C12orf56: variants seen among roughly 807,000 people sequenced by gnomAD.
C12orf56 encodes chromosome 12 open reading frame 56, also known as uncharacterized protein C12orf56.
Under a neutral mutation model 69.9 loss-of-function variants are expected in C12orf56, and 71 were observed. The ratio of observed to expected loss-of-function variants is 1.02; its 90% CI spans 0.84 to 1.24. The LOEUF is 1.24. C12orf56 is among the 50% of genes most tolerant of loss of function. The probability of loss-of-function intolerance (pLI) is 0.00; values close to 1 mark genes in which losing one functional copy is unlikely to be tolerated. For missense variants in C12orf56, 732 were observed against 738.5 expected, an observed-to-expected ratio of 0.99 and a Z score of 0.10; for synonymous variants, 276 against 274.1, an observed-to-expected ratio of 1.01 and a Z score of -0.07.
chr12:64,347,626 G>C (rs1460176401), intron 2 of C12orf56, among the ~76,000 whole-genome samples: 1 of 152,074 alleles, frequency 6.6e-6, no homozygotes, highest in Non-Finnish European at 1.5e-5. Flanking sequence ...CCCCAGGATG[G>C]ATCTTCTTCT....
intron 2 of C12orf56, among the ~76,000 whole-genome samples, chr12:64,339,116 G>A (rs575288083): frequency 1.3e-5 from 2 of 152,170 alleles, no homozygotes; most frequent in African/African-American, 4.8e-5. Flanking sequence ...TAAGCACTCA[G>A]GCCTGTCGGC....
rs563730029 is a variant in C12orf56 at position 64,363,220 on chromosome 12, C to G, written c.253-10164G>C. 2.0e-5 allele frequency among the ~76,000 whole-genome samples: 3 copies of G among 152,238 alleles called. No individual in the cohort carries two copies. The East Asian group carries it at 5.8e-4, about 29-fold the overall frequency. ...TCAAGTGGTTTGGAACCAAGTGATG[C>G]ACCAGCTACTATTCTTGAAATAAAA... On this transcript the variant is annotated intron_variant, in intron 1 of 12. Coordinates refer to ENST00000543942, the MANE Select transcript of C12orf56 (RefSeq NM_001170633.2).
chr12:64,283,377 A>T (rs189253381), intron 8 of C12orf56, among the ~76,000 whole-genome samples: 3 of 152,254 alleles, frequency 2.0e-5, no homozygotes, highest in African/African-American at 7.2e-5. Flanking sequence ...AATCAAGCAG[A>T]CAGTATGCAA....
intron 2 of C12orf56, among the ~76,000 whole-genome samples, chr12:64,332,130 C>T (rs1290529715): frequency 6.6e-6 from 1 of 151,658 alleles, no homozygotes; most frequent in Non-Finnish European, 1.5e-5. Flanking sequence ...CATGGTGAAA[C>T]CCAGTTTCTA....
At position 64,390,747 on chromosome 12, in the gene C12orf56, C is replaced by T. The variant is rs2135996606; in HGVS notation, c.-182G>A. The T allele has an allele frequency of 6.5e-6, 5 of 774,716 alleles. No homozygotes were observed. Among genetic ancestry groups the T allele is most frequent in the Non-Finnish European group, 9.3e-6 (5 of 535,174 alleles). The allele number at this position is 774,716 out of a possible 1,614,324, so 48.0% of individuals were successfully genotyped here. On this transcript the variant is annotated 5_prime_UTR_variant, in exon 1 of 13. Coordinates refer to ENST00000543942, the MANE Select transcript of C12orf56 (RefSeq NM_001170633.2). ...GCTAGGTCGGCTTCCCTGGAGCGCC[C>T]TCCCCAGCCCTGTCCAGCCTCTCGA...
At chr12:64,387,520 AC>A (rs1230659093) in intron 1 of C12orf56, among the ~76,000 whole-genome samples, 3 of 152,224 alleles carry the variant, frequency 2.0e-5, no homozygotes, top group South Asian at 2.1e-4. Flanking sequence ...GTAAAAAAAA[AC>A]AAAACAAAAA....
chr12:64,358,871 C>T (rs1343573579), intron 1 of C12orf56, among the ~76,000 whole-genome samples: 1 of 152,106 alleles, frequency 6.6e-6, no homozygotes, highest in East Asian at 1.9e-4. Context: ...CTAACAGAAA[C>T]ATTTAATTCA....
At chr12:64,320,096 G>A (rs1305627253) in intron 3 of C12orf56, among the ~76,000 whole-genome samples, 1 of 152,222 alleles carries the variant, frequency 6.6e-6, no homozygotes, top group Non-Finnish European at 1.5e-5. Context: ...GCTTGCCATT[G>A]TTCCTGCACA....
chr12:64,298,992 A>G (rs963433637), intron 6 of C12orf56, among the ~76,000 whole-genome samples: 8 of 152,078 alleles, frequency 5.3e-5, no homozygotes, highest in African/African-American at 1.9e-4. Flanking sequence ...CATTTTCACG[A>G]TATTGATTCT....
Position 64,352,917 on chromosome 12 carries a change from T to C in C12orf56, c.392A>G (p.His131Arg). ...ACCTTTCTTGTTGTTAGCTTTAGTA[T>C]GATGAAATGGAAATAGGAATTTCCT... ...SVRKFLFPFH[H>R]TKANNKKVKE... Residue 131 changes from histidine (H) to arginine (R), a missense_variant, in exon 2 of 13, where the codon CAT (histidine) becomes CGT (arginine). Transcript: ENST00000543942. The C allele has an allele frequency of 1.2e-6, 2 of 1,611,938 alleles. No individual in the cohort carries two copies. Among genetic ancestry groups the C allele is most frequent in the Middle Eastern group, 1.7e-4 (1 of 5,878 alleles).
chr12:64,314,718 T>A (rs1323193820), intron 4 of C12orf56, among the ~76,000 whole-genome samples: 1 of 151,602 alleles, frequency 6.6e-6, no homozygotes, highest in East Asian at 2.0e-4. Flanking sequence ...CACGGCAACA[T>A]CCGCCTCCCA....
chr12:64,309,310 C>G (rs1005311206), intron 5 of C12orf56, among the ~76,000 whole-genome samples: 1 of 152,150 alleles, frequency 6.6e-6, no homozygotes, highest in Admixed American at 6.6e-5. Flanking sequence ...TCCCCAACCC[C>G]GGAGACCTCT....
At chr12:64,269,117 G>A (rs1342404547) in intron 12 of C12orf56, among the ~76,000 whole-genome samples, 1 of 140,476 alleles carries the variant, frequency 7.1e-6, no homozygotes, top group African/African-American at 2.7e-5. Flanking sequence ...TCCAGCCTAG[G>A]TGGCAGAGTG....
intron 6 of C12orf56, among the ~76,000 whole-genome samples, chr12:64,293,625 T>C (rs555480538): frequency 3.5e-4 from 53 of 152,370 alleles, no homozygotes; most frequent in African/African-American, 1.3e-3. Context: ...AACAAGTGTC[T>C]AATAAGTATC....
Position 64,384,261 on chromosome 12 carries a change from TTC to T in C12orf56, c.252+6051_252+6052del, listed in dbSNP as rs58926051. On this transcript the variant is annotated intron_variant, in intron 1 of 12. Transcript: ENST00000543942. ...TACGCTATTCCACCTCCTTAATCTA[TTC>T]TGTTTACCTCCCCTTCCTCTTTCCA... Among the ~76,000 whole-genome samples the T allele has an allele frequency of 1.0e-3, 159 of 152,284 alleles. 1 individual carries two copies. Among genetic ancestry groups the T allele is most frequent in the African/African-American group, 3.7e-3 (155 of 41,572 alleles).
chr12:64,379,339 G>C (rs1483883317), intron 1 of C12orf56, among the ~76,000 whole-genome samples: 4 of 150,476 alleles, frequency 2.7e-5, no homozygotes, highest in African/African-American at 2.4e-5. Context: ...AGGCTGGAGT[G>C]CAGTGGCGCA....
intron 1 of C12orf56, among the ~76,000 whole-genome samples, chr12:64,356,941 C>T (rs1205407364): frequency 2.6e-5 from 4 of 152,094 alleles, no homozygotes; most frequent in African/African-American, 9.7e-5. Context: ...GGCATTGTTT[C>T]TCAGGCACCC....
intron 1 of C12orf56, among the ~76,000 whole-genome samples, chr12:64,371,848 A>G (rs192688358): frequency 1.1e-4 from 16 of 152,058 alleles, no homozygotes; most frequent in African/African-American, 3.6e-4. Flanking sequence ...ACATAATAAT[A>G]ATAAAAAGAA....
intron 1 of C12orf56, among the ~76,000 whole-genome samples, chr12:64,386,873 G>C (rs1020591968): frequency 6.6e-6 from 1 of 150,590 alleles, no homozygotes; most frequent in African/African-American, 2.4e-5. Context: ...GTGGTCAGGA[G>C]TTTGAGACCA....
Sources: allele counts gnomAD v4.1 joint callset (sites outside exome capture counted in the v4.1 genomes callset), GRCh38; gene constraint gnomAD v4.1.1; transcripts MANE v1.5; gene names NCBI Gene and HGNC (gene_info 2026-07-23, HGNC 2026-07-21).